The following SEPTIN10 variants were observed in gnomAD, a reference collection of about 807,000 sequenced individuals.
SEPTIN10 encodes the protein septin 10, also known as septin-10.
In SEPTIN10, 66 loss-of-function variants were observed where a neutral mutation model predicts 54.8. That is an observed-to-expected ratio of 1.21 (90% confidence interval 0.99 to 1.48). The LOEUF is 1.48. SEPTIN10 is among the 40% of genes most tolerant of loss of function. The pLI is 0.00. For missense variants in SEPTIN10, 620 were observed against 545.6 expected (o/e 1.14, Z -1.36); for synonymous variants, 161 against 181.0 (o/e 0.89, Z 0.89).
At chr2:109,546,839 ATT>A (rs1445338136) in intron 9 of SEPTIN10, among the ~76,000 whole-genome samples, 1 of 152,244 alleles carries the variant, frequency 6.6e-6, no homozygotes, top group East Asian at 1.9e-4. Context: ...TCATAGTAGA[ATT>A]TACACTATAA....
rs773540025 is a variant in SEPTIN10, at chr2:109,546,118, G to A, written c.1281C>T (p.Ser427=). 4.3e-6 allele frequency: 7 copies of A among 1,611,116 alleles called. No individual in the cohort carries two copies. Among genetic ancestry groups the A allele is most frequent in the South Asian group, 1.1e-5 (1 of 90,754 alleles). Reference sequence around the variant, plus strand: ...GAAAGGACTGGCTGTGAAATATCTCGGAGGTAGCTTTCTTTTTAGAGAAAG... The same window carrying A: ...GAAAGGACTGGCTGTGAAATATCTCAGAGGTAGCTTTCTTTTTAGAGAAAG... ...IIAFSKKKAT[S]EIFHSQSFLA... is the part of the protein sequence containing the mutation. The change falls in exon 10 of 11, where the codon TCC becomes TCT. Residue 427 remains serine (S), a synonymous_variant. Coordinates refer to ENST00000397712, the MANE Select transcript of SEPTIN10 (RefSeq NM_144710.5).
intron 4 of SEPTIN10, among the ~76,000 whole-genome samples, chr2:109,584,852 T>G (rs1487343789): frequency 6.6e-6 from 1 of 152,196 alleles, no homozygotes; most frequent in Non-Finnish European, 1.5e-5. Flanking sequence ...TACACTGAAT[T>G]TGCATGTCAG....
chr2:109,606,834 T>TAGGC (rs1395516525), intron 1 of SEPTIN10, among the ~76,000 whole-genome samples: 1 of 151,948 alleles, frequency 6.6e-6, no homozygotes, highest in African/African-American at 2.4e-5. Flanking sequence ...CACGCACCAC[T>TAGGC]AGGCACAGGG....
intron 2 of SEPTIN10, among the ~76,000 whole-genome samples, chr2:109,591,814 C>A (rs901008007): frequency 6.6e-6 from 1 of 152,058 alleles, no homozygotes; most frequent in Admixed American, 6.5e-5. Context: ...ATGAGAATTG[C>A]TTGAACCTGG....
chr2:109,567,845 G>A lies in SEPTIN10; in HGVS notation c.732C>T (p.Asp244=), dbSNP rs547734280. ...VQIYQFPTDD[D]TIAKVNAAMN... is the part of the protein sequence containing the mutation. ...TTGCAGCGTTGACCTTAGCAATAGT[G>A]TCATCATCCGTTGGGAACTGGTATA... Residue 244 remains aspartate (D), a synonymous_variant, in exon 6 of 11, where the codon GAC becomes GAT. Transcript: ENST00000397712. 2.6e-5 allele frequency: 42 copies of A among 1,611,382 alleles called. 2 individuals carry two copies. In the African/African-American group the frequency reaches 2.9e-4, roughly 11 times the overall value.
At chr2:109,551,944 A>G (rs191450526) in intron 9 of SEPTIN10, among the ~76,000 whole-genome samples, 45 of 152,322 alleles carry the variant, frequency 3.0e-4, no homozygotes, top group Non-Finnish European at 4.3e-4. Context: ...GGGGTCCCCA[A>G]TCCCCAGGCC....
In SEPTIN10 at chr2:109,613,955, G is replaced by A. The variant is rs1009789149; in HGVS notation, c.-128C>T. 4.1e-6 allele frequency: 5 copies of A among 1,207,778 alleles called. No homozygotes were observed. Among genetic ancestry groups the A allele is most frequent in the Non-Finnish European group, 5.1e-6 (5 of 972,690 alleles). 74.8% of individuals were successfully genotyped at this position (1,207,778 alleles called of 1,614,324 possible). Reference sequence around the variant, plus strand: ...GGGCGCGAGGCTAGGCTGCCTCCGCGACGGGGAAGGGACAGGGGCGGGGCC... The same window carrying A: ...GGGCGCGAGGCTAGGCTGCCTCCGCAACGGGGAAGGGACAGGGGCGGGGCC... On this transcript the variant is annotated 5_prime_UTR_variant, in exon 1 of 11. Coordinates refer to ENST00000397712, the MANE Select transcript of SEPTIN10 (RefSeq NM_144710.5).
intron 5 of SEPTIN10, among the ~76,000 whole-genome samples, chr2:109,570,339 G>A (rs1688054781): frequency 6.6e-6 from 1 of 152,086 alleles, no homozygotes; most frequent in South Asian, 2.1e-4. Context: ...AGGTAATATT[G>A]TAATGCTCAT....
intron 9 of SEPTIN10, among the ~76,000 whole-genome samples, chr2:109,550,116 C>A (rs1024873680): frequency 4.0e-5 from 6 of 151,788 alleles, no homozygotes; most frequent in Non-Finnish European, 5.9e-5. Flanking sequence ...CATGGAGAAA[C>A]CCCATCTCTA....
Position 109,613,917 on chromosome 2 carries a change from G to A in SEPTIN10, c.-90C>T, listed in dbSNP as rs1161035307. ...ACGGCGGCGGGAAGGCCGGAGGGCAGAAGCAACGGGCGGGGCGCGAGGCTA... is the reference window on the plus strand; with the variant it reads ...ACGGCGGCGGGAAGGCCGGAGGGCAAAAGCAACGGGCGGGGCGCGAGGCTA... On this transcript the variant is annotated 5_prime_UTR_variant, in exon 1 of 11. Coordinates refer to ENST00000397712, the MANE Select transcript of SEPTIN10 (RefSeq NM_144710.5). 10 of 1,220,416 alleles carry A rather than the reference G, an allele frequency of 8.2e-6. No homozygotes were observed. In the East Asian group the frequency reaches 2.6e-4, roughly 32 times the overall value. 75.6% of individuals were successfully genotyped at this position (1,220,416 alleles called of 1,614,324 possible). A position where few individuals can be genotyped will look rare whatever the true frequency, so the allele number is the denominator to read the frequency against.
At chr2:109,593,916 ATTAAGT>A (rs1279525792) in intron 1 of SEPTIN10, among the ~76,000 whole-genome samples, 6 of 152,320 alleles carry the variant, frequency 3.9e-5, no homozygotes, top group East Asian at 1.9e-4. Context: ...ATGCTAGCTC[ATTAAGT>A]TTATTTTCTT....
chr2:109,588,930 A>G (rs2105863793), intron 2 of SEPTIN10, among the ~76,000 whole-genome samples: 1 of 151,904 alleles, frequency 6.6e-6, no homozygotes, highest in East Asian at 1.9e-4. Context: ...AAAATTCTCT[A>G]TTAATCCAAA....
chr2:109,597,787 G>A (rs1343500842), intron 1 of SEPTIN10, among the ~76,000 whole-genome samples: 1 of 152,186 alleles, frequency 6.6e-6, no homozygotes, highest in African/African-American at 2.4e-5. Context: ...GATAGCTGGA[G>A]GAAAGTCTGG....
intron 8 of SEPTIN10, among the ~76,000 whole-genome samples, chr2:109,554,142 C>CAATT (rs1323952888): frequency 2.6e-5 from 4 of 151,980 alleles, no homozygotes; most frequent in African/African-American, 9.7e-5. Context: ...ACAAGAAGGA[C>CAATT]AATTAATTAC....
At chr2:109,591,547 G>T (rs889185541) in intron 2 of SEPTIN10, among the ~76,000 whole-genome samples, 7 of 152,114 alleles carry the variant, frequency 4.6e-5, no homozygotes, top group African/African-American at 1.7e-4. Flanking sequence ...GAGAAAGAGG[G>T]AAAAACAAGA....
intron 8 of SEPTIN10, among the ~76,000 whole-genome samples, chr2:109,562,900 T>C (rs192333169): frequency 6.6e-6 from 1 of 151,628 alleles, no homozygotes; most frequent in Admixed American, 6.6e-5. Context: ...GTGGGTTAAG[T>C]ACACACAATG....
At chr2:109,586,478 A>G (rs1692565670) in intron 2 of SEPTIN10, among the ~76,000 whole-genome samples, 1 of 152,168 alleles carries the variant, frequency 6.6e-6, no homozygotes, top group Non-Finnish European at 1.5e-5. Context: ...TTATAGTCTT[A>G]ATGGGTTAAG....
chr2:109,588,834 C>A, intron 2 of SEPTIN10, among the ~76,000 whole-genome samples: 4 of 134,164 alleles, frequency 3.0e-5, no homozygotes, highest in African/African-American at 2.8e-5. Context: ...AAGTTAAAGC[C>A]TAGGTCAATT....
chr2:109,584,467 T>C (rs1691979612), intron 4 of SEPTIN10, among the ~76,000 whole-genome samples: 1 of 110,186 alleles, frequency 9.1e-6, no homozygotes, highest in Non-Finnish European at 1.7e-5. Flanking sequence ...AGAGCGAGAC[T>C]CTGTCTCAAA....
Sources: gnomAD v4.1 joint callset for allele counts (sites outside exome capture counted in the v4.1 genomes callset) on GRCh38, gnomAD v4.1.1 for gene constraint, MANE v1.5 for transcripts, NCBI Gene and HGNC (gene_info 2026-07-23, HGNC 2026-07-21) for gene names.